CNTNAP2: variants seen among roughly 807,000 people sequenced by gnomAD.
CNTNAP2 encodes the protein contactin associated protein 2.
A neutral mutation model predicts 155.2 loss-of-function variants in CNTNAP2; 98 were observed. The observed-to-expected ratio is 0.63, with a 90% CI of 0.54 to 0.75. CNTNAP2 has a LOEUF of 0.75. Ranked by LOEUF, CNTNAP2 falls within the 30% of genes least tolerant of loss-of-function variation. The pLI is 0.00. For missense variants in CNTNAP2, 1,727 were observed against 1,688.1 expected, an observed-to-expected ratio of 1.02 and a Z score of -0.40; for synonymous variants, 651 against 631.2, an observed-to-expected ratio of 1.03 and a Z score of -0.47.
chr7:147,099,892 C>G, intron 4 of CNTNAP2, among the ~76,000 whole-genome samples: 1 of 152,182 alleles, frequency 6.6e-6, no homozygotes, highest in East Asian at 1.9e-4. Context: ...GGCGAGAAGG[C>G]GAGTCTAATT....
intron 3 of CNTNAP2, among the ~76,000 whole-genome samples, chr7:146,952,239 TA>T (rs1797330754): frequency 6.6e-6 from 1 of 152,142 alleles, no homozygotes; most frequent in Non-Finnish European, 1.5e-5. Context: ...CTCTTCATGC[TA>T]AAAACTCTCA....
intron 1 of CNTNAP2, among the ~76,000 whole-genome samples, chr7:146,198,464 T>A (rs891882236): frequency 6.6e-6 from 1 of 152,160 alleles, no homozygotes; most frequent in Non-Finnish European, 1.5e-5. Flanking sequence ...TTTCTATGTA[T>A]CCCCCAGGAT....
At chr7:146,138,231 G>C (rs1797826135) in intron 1 of CNTNAP2, among the ~76,000 whole-genome samples, 1 of 152,222 alleles carries the variant, frequency 6.6e-6, no homozygotes, top group Admixed American at 6.5e-5. Flanking sequence ...ATGTTACTAT[G>C]TGGAAAATGT....
chr7:147,098,604 T>A (rs1346423205), intron 4 of CNTNAP2, among the ~76,000 whole-genome samples: 1 of 152,226 alleles, frequency 6.6e-6, no homozygotes, highest in African/African-American at 2.4e-5. Flanking sequence ...GTCTATGGAC[T>A]AACTTTTGCC....
At chr7:147,624,861 T>C (rs1387879366) in intron 12 of CNTNAP2, among the ~76,000 whole-genome samples, 1 of 152,122 alleles carries the variant, frequency 6.6e-6, no homozygotes, top group Non-Finnish European at 1.5e-5. Context: ...AACCAAAGCA[T>C]CCATCAACAG....
At chr7:146,403,113 T>A (rs186117644) in intron 1 of CNTNAP2, among the ~76,000 whole-genome samples, 2 of 152,288 alleles carry the variant, frequency 1.3e-5, no homozygotes, top group African/African-American at 2.4e-5. Context: ...TCTATATGCA[T>A]TTCATAATTT....
At chr7:147,896,330 G>T (rs555808712) in intron 13 of CNTNAP2, among the ~76,000 whole-genome samples, 1 of 152,278 alleles carries the variant, frequency 6.6e-6, no homozygotes, top group East Asian at 1.9e-4. Flanking sequence ...AACACCCACC[G>T]TAACCGCCCA....
At chr7:147,708,968 C>A (rs1796360572) in intron 13 of CNTNAP2, among the ~76,000 whole-genome samples, 1 of 152,078 alleles carries the variant, frequency 6.6e-6, no homozygotes, top group South Asian at 2.1e-4. Flanking sequence ...AGATAAGGCC[C>A]AAGCTAAGAA....
At chr7:146,876,679 C>T (rs1016708727) in intron 3 of CNTNAP2, among the ~76,000 whole-genome samples, 5 of 152,134 alleles carry the variant, frequency 3.3e-5, no homozygotes, top group African/African-American at 1.2e-4. Flanking sequence ...GTTGCAAAAT[C>T]GCCCTCCAGA....
intron 1 of CNTNAP2, among the ~76,000 whole-genome samples, chr7:146,697,948 T>G (rs1021804785): frequency 1.6e-4 from 24 of 152,188 alleles, no homozygotes; most frequent in Non-Finnish European, 2.1e-4. Context: ...ATCTCTTTTT[T>G]ACTTCTATTT....
intron 4 of CNTNAP2, among the ~76,000 whole-genome samples, chr7:147,094,898 G>A (rs1444280031): frequency 2.6e-5 from 4 of 152,176 alleles, no homozygotes; most frequent in Admixed American, 2.0e-4. Context: ...TCTAATGTCT[G>A]AGAAGTCCAA....
At chr7:148,240,248 A>G (rs925665369) in intron 20 of CNTNAP2, among the ~76,000 whole-genome samples, 7 of 152,226 alleles carry the variant, frequency 4.6e-5, no homozygotes, top group African/African-American at 1.7e-4. Context: ...GATGAATAAA[A>G]TGTATCTTTT....
At chr7:147,348,956 A>AGT (rs1795925086) in intron 9 of CNTNAP2, among the ~76,000 whole-genome samples, 2 of 152,128 alleles carry the variant, frequency 1.3e-5, no homozygotes, top group South Asian at 4.1e-4. Flanking sequence ...AGAAGTGAAA[A>AGT]GTAAAGCACA....
At chr7:147,414,060 T>C (rs1402317690) in intron 10 of CNTNAP2, among the ~76,000 whole-genome samples, 7 of 152,192 alleles carry the variant, frequency 4.6e-5, no homozygotes, top group Non-Finnish European at 1.5e-5. Context: ...CTGTTATCTT[T>C]GGAGTGTCAT....
At chr7:147,196,832 T>C (rs1199632826) in intron 8 of CNTNAP2, among the ~76,000 whole-genome samples, 1 of 152,104 alleles carries the variant, frequency 6.6e-6, no homozygotes, top group African/African-American at 2.4e-5. Flanking sequence ...AGTGCAATGG[T>C]GAGGCTCAAA....
chr7:147,882,445 A>G (rs941041558), intron 13 of CNTNAP2, among the ~76,000 whole-genome samples: 1 of 152,236 alleles, frequency 6.6e-6, no homozygotes, highest in South Asian at 2.1e-4. Flanking sequence ...CAGCTGCTTC[A>G]GGTGAGGTGG....
intron 8 of CNTNAP2, among the ~76,000 whole-genome samples, chr7:147,161,358 C>G (rs1435443116): frequency 1.3e-5 from 2 of 152,118 alleles, no homozygotes; most frequent in African/African-American, 4.8e-5. Context: ...TGTTGTTCAG[C>G]TGGCCTATCT....
intron 2 of CNTNAP2, among the ~76,000 whole-genome samples, chr7:146,828,527 A>G (rs1355657932): frequency 6.6e-6 from 1 of 151,998 alleles, no homozygotes; most frequent in Non-Finnish European, 1.5e-5. Flanking sequence ...AATCCATTCT[A>G]TTGTTGGTAA....
At chr7:146,664,877 T>C (rs1162195621) in intron 1 of CNTNAP2, among the ~76,000 whole-genome samples, 1 of 152,202 alleles carries the variant, frequency 6.6e-6, no homozygotes, top group Admixed American at 6.5e-5. Flanking sequence ...TATCTTTGCA[T>C]GTGTCGACTT....
Sources: gnomAD v4.1 joint callset for allele counts (sites outside exome capture counted in the v4.1 genomes callset) on GRCh38, gnomAD v4.1.1 for gene constraint, MANE v1.5 for transcripts, NCBI Gene and HGNC (gene_info 2026-07-23, HGNC 2026-07-21) for gene names.